Variants in TAF1B observed in about 807,000 individuals in gnomAD.
TAF1B encodes the protein TATA box-binding protein-associated factor RNA polymerase I subunit B.
TAF1B carries 61 observed loss-of-function variants against 83.9 expected under a neutral mutation model. The observed-to-expected ratio is 0.73, with a 90% CI of 0.59 to 0.90. The LOEUF is 0.90. Ranked by LOEUF, TAF1B falls within the 40% of genes least tolerant of loss-of-function variation. TAF1B has a pLI of 0.00. For missense variants in TAF1B, 625 were observed against 677.0 expected (o/e 0.92, Z 0.85); for synonymous variants, 221 against 224.6 (o/e 0.98, Z 0.14).
chr2:9,919,774 A>G lies in TAF1B; in HGVS notation c.1519A>G (p.Thr507Ala), dbSNP rs1207518912. The change falls in exon 14 of 15, where the codon ACT becomes GCT. Residue 507 changes from threonine to alanine, a missense_variant. Physicochemically the swap from Thr to Ala is moderately conservative, Grantham distance 58 (BLOSUM62 0). Coordinates refer to ENST00000263663, the MANE Select transcript of TAF1B (RefSeq NM_005680.3). ...GAAAGAGAAAGGCCAATCACTGCTG[A>G]CTAAGAATTCATTATATTGGCTTAG... The part of the protein sequence containing the change: ...VLKEKGQSLL[T>A]KNSLYWLSTQ... The G allele has an allele frequency of 1.9e-6, 3 of 1,614,086 alleles. No individual in the cohort carries two copies. Among genetic ancestry groups the G allele is most frequent in the Non-Finnish European group, 2.5e-6 (3 of 1,180,032 alleles).
chr2:9,916,979 T>C (rs1023820776), intron 12 of TAF1B, among the ~76,000 whole-genome samples: 1 of 151,934 alleles, frequency 6.6e-6, no homozygotes, highest in Admixed American at 6.6e-5. Flanking sequence ...CCCAAGTAGC[T>C]GAGATTACAG....
chr2:9,919,525 C>G (rs112736747), intron 13 of TAF1B, 73 bp from the exon 14 acceptor site: 2 of 1,321,956 alleles, frequency 1.5e-6, no homozygotes. Context: ...ACATTCCTAT[C>G]AAGTAAATTC....
intron 11 of TAF1B, 55 bp from the exon 12 acceptor site, chr2:9,913,104 A>T: frequency 1.4e-6 from 2 of 1,402,492 alleles, no homozygotes; most frequent in African/African-American, 1.4e-5. Context: ...TGAACAATGT[A>T]TATTATTATA....
intron 14 of TAF1B, among the ~76,000 whole-genome samples, chr2:9,932,561 C>T (rs879281210): frequency 6.6e-6 from 1 of 151,294 alleles, no homozygotes; most frequent in Non-Finnish European, 1.5e-5. Context: ...CCAGGGGGCA[C>T]CTGCCTGTAT....
intron 9 of TAF1B, among the ~76,000 whole-genome samples, chr2:9,907,535 G>A (rs941135235): frequency 2.0e-5 from 3 of 152,020 alleles, no homozygotes; most frequent in Non-Finnish European, 2.9e-5. Context: ...TCTGGGGCTC[G>A]GGGAAAGCTT....
At chr2:9,908,043 T>C in intron 9 of TAF1B, among the ~76,000 whole-genome samples, 1 of 91,232 alleles carries the variant, frequency 1.1e-5, no homozygotes, top group Non-Finnish European at 2.3e-5. Flanking sequence ...TTTTTTTTTT[T>C]TTTTTTTTTT....
At chr2:9,920,980 G>A (rs1418181870) in intron 14 of TAF1B, among the ~76,000 whole-genome samples, 1 of 152,150 alleles carries the variant, frequency 6.6e-6, no homozygotes, top group Non-Finnish European at 1.5e-5. Context: ...CGGCTCTGTG[G>A]CATACTGGCT....
At chr2:9,844,230 A>G (rs561751249) in intron 1 of TAF1B, 1 of 151,228 alleles carries the variant, frequency 6.6e-6, no homozygotes, top group African/African-American at 2.4e-5. Flanking sequence ...GGCTCACTGC[A>G]GCCTCGAATC....
At chr2:9,906,149 G>A (rs1282571767) in intron 9 of TAF1B, among the ~76,000 whole-genome samples, 1 of 152,124 alleles carries the variant, frequency 6.6e-6, no homozygotes, top group Admixed American at 6.5e-5. Flanking sequence ...CTGGGTTATG[G>A]AAGGAATACC....
At chr2:9,882,512 T>A (rs907348296) in intron 7 of TAF1B, among the ~76,000 whole-genome samples, 194 bp from the exon 8 acceptor site, 12 of 152,210 alleles carry the variant, frequency 7.9e-5, no homozygotes, top group Non-Finnish European at 1.5e-5. Context: ...ATTCAGTAAT[T>A]GGCTAAATAG....
chr2:9,910,793 A>T lies in TAF1B; in HGVS notation c.1013A>T (p.Asp338Val). 6.2e-7 allele frequency: 1 copy of T among 1,613,624 alleles called. No individual in the cohort carries two copies. Among genetic ancestry groups the T allele is most frequent in the South Asian group, 1.1e-5 (1 of 91,024 alleles). The change falls in exon 10 of 15, where the codon GAT (aspartate) becomes GTT (valine). Residue 338 changes from aspartate (D) to valine (V), a missense_variant. Physicochemically the swap from Asp to Val is radical, Grantham distance 152 (BLOSUM62 -3). Transcript: ENST00000263663. ...VVKMTGMGEV[D>V]FLTFDPIAKM... ...AAAATGACTGGAATGGGAGAAGTGGATTTTCTGACATTTGATCCTATAGCT... is the reference window on the plus strand; with the variant it reads ...AAAATGACTGGAATGGGAGAAGTGGTTTTTCTGACATTTGATCCTATAGCT...
Position 9,933,976 on chromosome 2 carries a change from C to A in TAF1B, c.1759C>A (p.Arg587=). 2 of 1,586,646 alleles carry A rather than the reference C, an allele frequency of 1.3e-6. No individual in the cohort carries two copies. Among genetic ancestry groups the A allele is most frequent in the Non-Finnish European group, 1.7e-6 (2 of 1,168,830 alleles). ...RKKSRSKKVR[R]H is the part of the protein sequence containing the mutation. ...GAAATCAAGATCCAAGAAAGTGAGACGACATTGAGAAAATGAAATAGAAAC... is the reference window on the plus strand; with the variant it reads ...GAAATCAAGATCCAAGAAAGTGAGAAGACATTGAGAAAATGAAATAGAAAC... Residue 587 remains arginine, a synonymous_variant, in exon 15 of 15, where the codon CGA becomes AGA. Coordinates refer to ENST00000263663, the MANE Select transcript of TAF1B (RefSeq NM_005680.3).
chr2:9,867,771 G>T (rs992809487), intron 5 of TAF1B, among the ~76,000 whole-genome samples: 1 of 152,132 alleles, frequency 6.6e-6, no homozygotes, highest in African/African-American at 2.4e-5. Flanking sequence ...GTTACAAATC[G>T]TATATGCTAC....
At chr2:9,860,596 G>A (rs1006197935) in intron 5 of TAF1B, among the ~76,000 whole-genome samples, 2 of 152,152 alleles carry the variant, frequency 1.3e-5, no homozygotes, top group African/African-American at 4.8e-5. Context: ...TTAGCCCTAG[G>A]TCATTCTACG....
intron 5 of TAF1B, among the ~76,000 whole-genome samples, chr2:9,858,044 A>C (rs968455932): frequency 6.6e-6 from 1 of 152,188 alleles, no homozygotes; most frequent in Non-Finnish European, 1.5e-5. Context: ...TCATTCCAGC[A>C]TTAACTCATT....
intron 9 of TAF1B, 99 bp downstream of exon 9, chr2:9,905,105 G>C: frequency 1.2e-5 from 13 of 1,051,174 alleles, no homozygotes; most frequent in Non-Finnish European, 1.6e-5. Flanking sequence ...AGAACCACCT[G>C]AAAAGGTCCA....
At chr2:9,851,659 ATG>A in intron 4 of TAF1B, 21 bp downstream of exon 4, 1 of 1,575,366 alleles carries the variant, frequency 6.3e-7, no homozygotes. Context: ...TTGTGACTAG[ATG>A]TTAGCTTTAC....
chr2:9,872,394 G>A (rs746897464), intron 6 of TAF1B, among the ~76,000 whole-genome samples: 20 of 151,788 alleles, frequency 1.3e-4, no homozygotes, highest in Admixed American at 3.3e-4. Flanking sequence ...AGTCATCCTG[G>A]TGTTAGGCCT....
intron 14 of TAF1B, among the ~76,000 whole-genome samples, chr2:9,920,540 G>A (rs1041946213): frequency 7.3e-6 from 1 of 137,102 alleles, no homozygotes; most frequent in Admixed American, 7.8e-5. Flanking sequence ...GTCCTCCTCA[G>A]GGTATCATTT....
Sources: allele counts gnomAD v4.1 joint callset (sites outside exome capture counted in the v4.1 genomes callset), GRCh38; gene constraint gnomAD v4.1.1; transcripts MANE v1.5; gene names NCBI Gene and HGNC (gene_info 2026-07-23, HGNC 2026-07-21).